Variants in CNTN3 observed in about 807,000 individuals in gnomAD.
CNTN3 encodes the protein contactin-3.
Under a neutral mutation model 119.1 loss-of-function variants are expected in CNTN3, and 60 were observed. The observed-to-expected ratio is 0.50, with a 90% CI of 0.41 to 0.62. CNTN3 has a LOEUF of 0.62. Among genes scored for constraint, CNTN3 ranks in the 20% least tolerant of loss-of-function variants. CNTN3 has a pLI of 0.00. For synonymous variants in CNTN3, 450 were observed against 438.7 expected (o/e 1.03, Z -0.32); for missense variants, 1,101 against 1,242.4 (o/e 0.89, Z 1.71).
intron 4 of CNTN3, among the ~76,000 whole-genome samples, chr3:74,485,740 GAA>G (rs5850178): frequency 0.15 from 21,269 of 145,042 alleles, 1,633 homozygotes; most frequent in African/African-American, 0.23. Flanking sequence ...CTAATAAAAA[GAA>G]AAAAAAAAAA....
intron 5 of CNTN3, among the ~76,000 whole-genome samples, chr3:74,403,108 A>G (rs1705238000): frequency 6.6e-6 from 1 of 152,164 alleles, no homozygotes; most frequent in African/African-American, 2.4e-5. Flanking sequence ...AAGTGTTGCA[A>G]GCAAGGGAGT....
At chr3:74,345,603 T>C (rs1291060470) in intron 11 of CNTN3, among the ~76,000 whole-genome samples, 1 of 152,190 alleles carries the variant, frequency 6.6e-6, no homozygotes, top group African/African-American at 2.4e-5. Context: ...GTAAAAGAAG[T>C]AACCTTTAAA....
chr3:74,506,747 A>AC (rs1703268064), intron 2 of CNTN3, among the ~76,000 whole-genome samples: 2 of 30,540 alleles, frequency 6.5e-5, no homozygotes, highest in Middle Eastern at 0.02. Flanking sequence ...GAAAAAAAAA[A>AC]AAAAACAACA....
chr3:74,410,577 C>T (rs528116756), intron 5 of CNTN3, among the ~76,000 whole-genome samples: 2 of 152,280 alleles, frequency 1.3e-5, no homozygotes, highest in Admixed American at 1.3e-4. Flanking sequence ...TTTAAGTCTA[C>T]ATGTATCACC....
intron 12 of CNTN3, among the ~76,000 whole-genome samples, chr3:74,335,855 C>T (rs1410894753): frequency 4.6e-5 from 7 of 152,072 alleles, no homozygotes; most frequent in Admixed American, 2.6e-4. Flanking sequence ...AATCTTTTTC[C>T]AAATCTCTCC....
chr3:74,288,405 C>T (rs1327985292), intron 19 of CNTN3, among the ~76,000 whole-genome samples: 1 of 152,034 alleles, frequency 6.6e-6, no homozygotes, highest in East Asian at 1.9e-4. Context: ...GTGATCCACC[C>T]TCCTCGGCCT....
chr3:74,319,526 T>G (rs1003858549), intron 13 of CNTN3, among the ~76,000 whole-genome samples: 2 of 152,110 alleles, frequency 1.3e-5, no homozygotes, highest in African/African-American at 2.4e-5. Context: ...CAAGATGGAT[T>G]AAAGACTTAC....
At chr3:74,357,727 A>T (rs1449899183) in intron 11 of CNTN3, among the ~76,000 whole-genome samples, 4 of 152,172 alleles carry the variant, frequency 2.6e-5, no homozygotes, top group Admixed American at 6.5e-5. Flanking sequence ...GAAAGCTTTC[A>T]TCTTTATCAT....
intron 5 of CNTN3, among the ~76,000 whole-genome samples, chr3:74,371,911 G>T (rs539923222): frequency 1.3e-5 from 2 of 151,896 alleles, no homozygotes; most frequent in East Asian, 1.9e-4. Flanking sequence ...GCTGCTTCTG[G>T]GGCCTACAAC....
At chr3:74,454,560 T>C (rs952488897) in intron 4 of CNTN3, among the ~76,000 whole-genome samples, 11 of 152,134 alleles carry the variant, frequency 7.2e-5, no homozygotes, top group African/African-American at 2.2e-4. Flanking sequence ...CATTATGATG[T>C]TAGCTGGTTA....
chr3:74,500,709 G>C (rs548038249), intron 2 of CNTN3, among the ~76,000 whole-genome samples: 1 of 151,948 alleles, frequency 6.6e-6, no homozygotes, highest in Non-Finnish European at 1.5e-5. Context: ...ACTTCGAATA[G>C]CAGTTTACAT....
intron 4 of CNTN3, among the ~76,000 whole-genome samples, chr3:74,428,176 C>A (rs1701726969): frequency 6.6e-6 from 1 of 151,802 alleles, no homozygotes; most frequent in Admixed American, 6.6e-5. Flanking sequence ...GCATATAATG[C>A]TTGAGAATGA....
In CNTN3 at chr3:74,310,454, T is replaced by C. The variant is rs190471909; in HGVS notation, c.1669-7647A>G. 1.7e-3 allele frequency among the ~76,000 whole-genome samples: 263 copies of C among 152,258 alleles called. 1 individual carries two copies. The highest frequency in any genetic ancestry group is 5.6e-3 in the African/African-American group (231 of 41,558). On this transcript the variant is annotated intron_variant, in intron 13 of 22. Coordinates refer to ENST00000263665, the MANE Select transcript of CNTN3 (RefSeq NM_020872.3). ...ACACTTCACTAGGTGGGGGGCTTGA[T>C]TGGAAACTGGCAAGCTTGTTTATTT... is the stretch of plus-strand genomic sequence containing the variant.
chr3:74,455,841 A>G (rs1234183518), intron 4 of CNTN3, among the ~76,000 whole-genome samples: 1 of 152,006 alleles, frequency 6.6e-6, no homozygotes, highest in Non-Finnish European at 1.5e-5. Flanking sequence ...GGTCTTGTTA[A>G]AATACCTGTG....
At chr3:74,329,627 C>G (rs1032265180) in intron 13 of CNTN3, among the ~76,000 whole-genome samples, 2 of 152,240 alleles carry the variant, frequency 1.3e-5, no homozygotes, top group Non-Finnish European at 2.9e-5. Flanking sequence ...CTTAAATTAC[C>G]AGGCCCTAGG....
intron 5 of CNTN3, among the ~76,000 whole-genome samples, chr3:74,411,651 A>G (rs1448747612): frequency 2.6e-5 from 4 of 152,148 alleles, no homozygotes; most frequent in Admixed American, 2.6e-4. Context: ...GCTCAATGTC[A>G]CCCAAATGAT....
intron 1 of CNTN3, among the ~76,000 whole-genome samples, chr3:74,561,177 A>T (rs1160815868): frequency 1.4e-5 from 2 of 141,064 alleles, no homozygotes; most frequent in East Asian, 2.0e-4. Context: ...AAGCATAATA[A>T]AAAAAAAATA....
intron 19 of CNTN3, among the ~76,000 whole-genome samples, chr3:74,292,845 T>G (rs1001776067): frequency 2.6e-5 from 4 of 152,198 alleles, no homozygotes; most frequent in African/African-American, 9.6e-5. Context: ...CCATTGCCAA[T>G]GCCACTGCCA....
intron 4 of CNTN3, among the ~76,000 whole-genome samples, chr3:74,433,750 C>T (rs751516484): frequency 2.6e-5 from 4 of 152,206 alleles, no homozygotes; most frequent in Non-Finnish European, 4.4e-5. Context: ...GCACATAAGG[C>T]TCCCACTCCT....
Sources: allele counts gnomAD v4.1 joint callset (sites outside exome capture counted in the v4.1 genomes callset), GRCh38; gene constraint gnomAD v4.1.1; transcripts MANE v1.5; gene names NCBI Gene and HGNC (gene_info 2026-07-23, HGNC 2026-07-21).